Variants in PDE9A observed in about 807,000 individuals in gnomAD.
PDE9A encodes phosphodiesterase 9A.
A neutral mutation model predicts 87.4 loss-of-function variants in PDE9A; 60 were observed. That is an observed-to-expected ratio of 0.69 (90% confidence interval 0.56 to 0.85). The LOEUF (loss-of-function observed/expected upper bound fraction) is 0.85. Among genes scored for constraint, PDE9A ranks in the 40% least tolerant of loss-of-function variants. PDE9A has a pLI of 0.00. For synonymous variants in PDE9A, 272 were observed against 279.4 expected, an observed-to-expected ratio of 0.97 and a Z score of 0.27; for missense variants, 665 against 779.0, an observed-to-expected ratio of 0.85 and a Z score of 1.74.
chr21:42,764,165 C>G (rs2056119353), intron 14 of PDE9A, among the ~76,000 whole-genome samples: 1 of 152,242 alleles, frequency 6.6e-6, no homozygotes. Context: ...CACCTCAGAA[C>G]CCACTCGGCG....
intron 1 of PDE9A, among the ~76,000 whole-genome samples, chr21:42,676,201 T>C (rs1228444587): frequency 6.6e-6 from 1 of 152,190 alleles, no homozygotes; most frequent in Non-Finnish European, 1.5e-5. Flanking sequence ...AATTAGAAAT[T>C]GGCTTTATAA....
At chr21:42,658,037 T>C (rs1224128668) in intron 1 of PDE9A, among the ~76,000 whole-genome samples, 1 of 152,252 alleles carries the variant, frequency 6.6e-6, no homozygotes, top group African/African-American at 2.4e-5. Flanking sequence ...CTTAATAGTT[T>C]GCCACCCACC....
chr21:42,758,932 A>C, intron 10 of PDE9A, 67 bp from the exon 11 acceptor site: 1 of 1,236,162 alleles, frequency 8.1e-7, no homozygotes. Flanking sequence ...AGCAGAGGGA[A>C]GGAAGCCAGG....
chr21:42,742,353 G>A (rs1190218095), intron 7 of PDE9A, among the ~76,000 whole-genome samples: 1 of 152,082 alleles, frequency 6.6e-6, no homozygotes, highest in African/African-American at 2.4e-5. Context: ...AGCATTCGGG[G>A]CGCAGAGTTT....
Position 42,702,059 on chromosome 21 carries a change from C to T in PDE9A, c.262+3048C>T, listed in dbSNP as rs2048425812. On this transcript the variant is annotated intron_variant, in intron 4 of 19. Transcript: ENST00000291539. The surrounding 1 kb of genome is among the most constrained non-coding windows in gnomAD (Gnocchi z 4.9). Reference sequence around the variant, plus strand: ...CATGAAATTTGGAATTTTTTCTGCTCTCCTCTGTCTCTCTCCTTTCCCCTG... The same window carrying T: ...CATGAAATTTGGAATTTTTTCTGCTTTCCTCTGTCTCTCTCCTTTCCCCTG... Among the ~76,000 whole-genome samples the T allele has an allele frequency of 6.6e-6, 1 of 152,134 alleles. No individual in the cohort carries two copies. Among genetic ancestry groups the T allele is most frequent in the South Asian group, 2.1e-4 (1 of 4,824 alleles).
chr21:42,680,440 C>T (rs1369385003), intron 1 of PDE9A, among the ~76,000 whole-genome samples: 3 of 152,206 alleles, frequency 2.0e-5, no homozygotes, highest in Admixed American at 2.0e-4. Context: ...GACCCTGGGT[C>T]CCCCACTTGG....
intron 4 of PDE9A, among the ~76,000 whole-genome samples, chr21:42,716,121 G>C (rs1333345188): frequency 1.3e-5 from 2 of 151,734 alleles, no homozygotes; most frequent in African/African-American, 4.8e-5. Flanking sequence ...CAGTTTATTT[G>C]CCCACTCACC....
chr21:42,749,052 A>G (rs997931768), intron 8 of PDE9A, among the ~76,000 whole-genome samples: 12 of 152,158 alleles, frequency 7.9e-5, no homozygotes, highest in African/African-American at 2.7e-4. Flanking sequence ...GGTGGCTTCT[A>G]GTCGGTTTTG....
chr21:42,769,521 CACACAG>C (rs2056768668), intron 17 of PDE9A, among the ~76,000 whole-genome samples: 1 of 100,198 alleles, frequency 1.0e-5, no homozygotes, highest in South Asian at 3.4e-4. Flanking sequence ...GCACACAAGG[CACACAG>C]GCACACACAG....
chr21:42,748,035 C>G (rs1179251936), intron 8 of PDE9A, among the ~76,000 whole-genome samples: 2 of 152,228 alleles, frequency 1.3e-5, no homozygotes, highest in African/African-American at 4.8e-5. Context: ...AGACCCTCCT[C>G]TGCTCCCAGC....
Position 42,739,135 on chromosome 21 carries a change from C to G in PDE9A, c.569-4641C>G, listed in dbSNP as rs888746727. Among the ~76,000 whole-genome samples, 5 of 152,342 alleles carry G rather than the reference C, an allele frequency of 3.3e-5. No homozygotes were observed. The highest frequency in any genetic ancestry group is 4.1e-4 in the South Asian group (2 of 4,830). On this transcript the variant is annotated intron_variant, in intron 7 of 19. Coordinates refer to ENST00000291539, the MANE Select transcript of PDE9A (RefSeq NM_002606.3). This position sits in a 1 kb window ranked among gnomAD's most constrained non-coding sequence, Gnocchi z 4.1. The stretch of plus-strand genomic sequence containing the variant: ...AGCCCCCTAGCAGGGTCCAGTGGGC[C>G]AGGGAGCCTCTGCTTTGGTTTGTGG...
At position 42,769,423 on chromosome 21, in the gene PDE9A, C is replaced by T. The variant is rs544713075; in HGVS notation, c.1590+268C>T. On this transcript the variant is annotated intron_variant, in intron 17 of 19. Transcript: ENST00000291539. ...CACACACACGGCACACACAGGCACA[C>T]ACTCGTGCACACACATGTACACAGG... Among the ~76,000 whole-genome samples the T allele has an allele frequency of 1.8e-3, 263 of 142,748 alleles. 6 individuals are homozygous for T. In the East Asian group the frequency reaches 0.048, roughly 26 times the overall value. The allele number at this position is 142,748 out of a possible 152,430, so 93.6% of individuals were successfully genotyped here.
chr21:42,733,774 C>G, intron 7 of PDE9A: 1 of 264,848 alleles, frequency 3.8e-6, no homozygotes, highest in South Asian at 7.3e-5. Context: ...TCTCTGCACA[C>G]TGATCGGCAC....
rs59496172 is a variant in PDE9A, at chr21:42,714,515, A to G, written c.262+15504A>G. 4.7e-3 allele frequency among the ~76,000 whole-genome samples: 395 copies of G among 84,272 alleles called. 1 individual carries two copies. Among genetic ancestry groups the G allele is most frequent in the Middle Eastern group, 0.024 (3 of 126 alleles). 55.3% of individuals were successfully genotyped at this position (84,272 alleles called of 152,430 possible). A position where few individuals can be genotyped will look rare whatever the true frequency, so the allele number is the denominator to read the frequency against. On this transcript the variant is annotated intron_variant, in intron 4 of 19. Coordinates refer to ENST00000291539, the MANE Select transcript of PDE9A (RefSeq NM_002606.3). ...GTTGGGGTTAGCTCTACCAGTCTTT[A>G]TTGATATGGTTGAGGTTAGCTCTAC...
At chr21:42,762,321 TC>T in intron 14 of PDE9A, 82 bp downstream of exon 14, 1 of 1,432,438 alleles carries the variant, frequency 7.0e-7, no homozygotes, top group Non-Finnish European at 9.6e-7. Context: ...GGCTGGAAGC[TC>T]CCAGAAGCTC....
rs576031893 is a variant in PDE9A, at chr21:42,744,301, C to T, written c.653+441C>T. 7.0e-3 allele frequency among the ~76,000 whole-genome samples: 1,063 copies of T among 152,080 alleles called. 11 individuals carry two copies. Among genetic ancestry groups the T allele is most frequent in the Non-Finnish European group, 8.4e-3 (570 of 67,974 alleles). Reference sequence around the variant, plus strand: ...CCAGGAGGTGGAGGTTGCAGTGAGCCGAGATCGCGCCACTGCACTCCAGCC... The same window carrying T: ...CCAGGAGGTGGAGGTTGCAGTGAGCTGAGATCGCGCCACTGCACTCCAGCC... On this transcript the variant is annotated intron_variant, in intron 8 of 19. Coordinates refer to ENST00000291539, the MANE Select transcript of PDE9A (RefSeq NM_002606.3).
chr21:42,701,855 T>C (rs2048413668), intron 4 of PDE9A, among the ~76,000 whole-genome samples: 1 of 152,274 alleles, frequency 6.6e-6, no homozygotes, highest in African/African-American at 2.4e-5. Flanking sequence ...ATGAGAAGTC[T>C]GTGATGTCTT....
chr21:42,743,813 G>A lies in PDE9A; in HGVS notation c.606G>A (p.Lys202=), dbSNP rs776217985. 5 of 1,594,200 alleles carry A rather than the reference G, an allele frequency of 3.1e-6. No homozygotes were observed. The highest frequency in any genetic ancestry group is 2.3e-5 in the East Asian group (1 of 43,868). ...GLKVVEIEKC[K]SDIKKMREEL... ...AAGTGGTGGAGATTGAGAAATGCAA[G>A]AGTGACATTAAGAAGATGAGGGAGG... The change falls in exon 8 of 20, where the codon AAG becomes AAA. Residue 202 remains lysine, a synonymous_variant. Transcript: ENST00000291539.
At chr21:42,664,047 G>A (rs751828837) in intron 1 of PDE9A, among the ~76,000 whole-genome samples, 23 of 152,224 alleles carry the variant, frequency 1.5e-4, no homozygotes, top group Non-Finnish European at 2.4e-4. Context: ...AGGACGGCCC[G>A]GGGCCGAGTC....
Sources: gnomAD v4.1 joint callset for allele counts (sites outside exome capture counted in the v4.1 genomes callset) on GRCh38, gnomAD v4.1.1 for gene constraint, Gnocchi (gnomAD v3.1) non-coding constraint, MANE v1.5 for transcripts, NCBI Gene and HGNC (gene_info 2026-07-23, HGNC 2026-07-21) for gene names.